The following CYB5B variants were observed in gnomAD, a reference collection of about 807,000 sequenced individuals.
CYB5B encodes the protein cytochrome b5 type B.
Under a neutral mutation model 21.3 loss-of-function variants are expected in CYB5B, and 14 were observed. That is an observed-to-expected ratio of 0.66 (90% CI 0.43 to 1.03). The LOEUF is 1.03. Among genes scored for constraint, CYB5B ranks in the 50% least tolerant of loss-of-function variants. CYB5B has a pLI of 0.00. For synonymous variants in CYB5B, 69 were observed against 68.4 expected, an observed-to-expected ratio of 1.01 and a Z score of -0.04; for missense variants, 166 against 185.1, an observed-to-expected ratio of 0.90 and a Z score of 0.60.
chr16:69,463,472 CCA>C lies in CYB5B; in HGVS notation c.*953_*954del, dbSNP rs2015056232. ...CCAAAGCTTTCACTTTGGTTTGGCA[CCA>C]GTTTCTAACCATCTGTTTTTTCTAC... On this transcript the variant is annotated 3_prime_UTR_variant, in exon 5 of 5. Transcript: ENST00000307892. 6.6e-6 allele frequency: 1 copy of C among 152,092 alleles called. No homozygotes were observed. Among genetic ancestry groups the C allele is most frequent in the South Asian group, 2.1e-4 (1 of 4,816 alleles). The allele number at this position is 152,092 out of a possible 1,614,324, so 9.4% of individuals were successfully genotyped here. A position where few individuals can be genotyped will look rare whatever the true frequency, so the allele number is the denominator to read the frequency against.
chr16:69,430,834 C>T (rs1043444629), intron 1 of CYB5B, among the ~76,000 whole-genome samples: 7 of 151,180 alleles, frequency 4.6e-5, no homozygotes, highest in African/African-American at 1.5e-4. Context: ...CCACCATGCC[C>T]GGCTAATTTT....
rs904094049 is a variant in CYB5B at position 69,465,550 on chromosome 16, C to G, written c.*3030C>G. 6.6e-6 allele frequency: 1 copy of G among 152,146 alleles called. No homozygotes were observed. The highest frequency in any genetic ancestry group is 2.4e-5 in the African/African-American group (1 of 41,438). 9.4% of individuals were successfully genotyped at this position (152,146 alleles called of 1,614,324 possible). ...GTTTGAGCCTGTAAAGTTGTTTTAG[C>G]AGTTGTCATAAATGCATATGTTGTG... is the stretch of plus-strand genomic sequence containing the variant. On this transcript the variant is annotated 3_prime_UTR_variant, in exon 5 of 5. Coordinates refer to ENST00000307892, the MANE Select transcript of CYB5B (RefSeq NM_030579.3).
chr16:69,462,467 G>C lies in CYB5B; in HGVS notation c.400G>C (p.Val134Leu), dbSNP rs372089003. 6.2e-7 allele frequency: 1 copy of C among 1,614,128 alleles called. No homozygotes were observed. The highest frequency in any genetic ancestry group is 8.5e-7 in the Non-Finnish European group (1 of 1,180,018). Reference sequence around the variant, plus strand: ...TTGGATTTTACCCATCATAGGCGCTGTTCTCTTAGGTTTCCTGTACCGCTA... The same window carrying C: ...TTGGATTTTACCCATCATAGGCGCTCTTCTCTTAGGTTTCCTGTACCGCTA... ...AYWILPIIGA[V>L]LLGFLYRYYT... The change falls in exon 5 of 5, where the codon GTT becomes CTT. Residue 134 changes from valine to leucine, a missense_variant. Physicochemically the swap from Val to Leu is conservative, Grantham distance 32. Coordinates refer to ENST00000307892, the MANE Select transcript of CYB5B (RefSeq NM_030579.3).
At chr16:69,432,587 A>G (rs2014717311) in intron 1 of CYB5B, among the ~76,000 whole-genome samples, 1 of 152,216 alleles carries the variant, frequency 6.6e-6, no homozygotes, top group South Asian at 2.1e-4. Context: ...ATAGAGTCAT[A>G]GTATTCTATT....
intron 3 of CYB5B, chr16:69,449,039 C>T (rs1420868092): frequency 6.6e-6 from 1 of 152,182 alleles, no homozygotes; most frequent in Non-Finnish European, 1.5e-5. Context: ...ATCTGTTGCC[C>T]TGCAATCCAG....
At chr16:69,457,133 A>C (rs2014990882) in intron 3 of CYB5B, among the ~76,000 whole-genome samples, 1 of 152,068 alleles carries the variant, frequency 6.6e-6, no homozygotes, top group Non-Finnish European at 1.5e-5. Flanking sequence ...GTTTTAAGTT[A>C]TTTATTGTTT....
At chr16:69,447,578 G>T (rs2014890118) in intron 2 of CYB5B, among the ~76,000 whole-genome samples, 1 of 150,478 alleles carries the variant, frequency 6.6e-6, no homozygotes. Context: ...GGGAGGCAGA[G>T]GTTGAAGTAT....
At chr16:69,458,467 A>G (rs2015002896) in intron 3 of CYB5B, among the ~76,000 whole-genome samples, 2 of 152,182 alleles carry the variant, frequency 1.3e-5, no homozygotes. Context: ...AGCATATATC[A>G]ATACTTCAGT....
At position 69,448,115 on chromosome 16, in the gene CYB5B, A is replaced by T; in HGVS notation, c.304A>T (p.Ser102Cys). Reference protein sequence around the residue: ...KQYYIGDIHPSDLKPESGSKD... With the variant: ...KQYYIGDIHPCDLKPESGSKD... The stretch of plus-strand genomic sequence containing the variant: ...TTATTTGTTTTCCTTTTTTTGACAG[A>T]GTGACCTTAAACCTGAAAGTGGTAG... Residue 102 changes from serine (S) to cysteine (C), a missense_variant and splice_region_variant, in exon 3 of 5, where the codon AGT becomes TGT. Transcript: ENST00000307892. 5 of 1,610,396 alleles carry T rather than the reference A, an allele frequency of 3.1e-6. No individual in the cohort carries two copies. Among genetic ancestry groups the T allele is most frequent in the Non-Finnish European group, 4.2e-6 (5 of 1,179,228 alleles).
intron 1 of CYB5B, among the ~76,000 whole-genome samples, chr16:69,428,829 C>T (rs1202867949): frequency 6.6e-6 from 1 of 152,082 alleles, no homozygotes; most frequent in African/African-American, 2.4e-5. Context: ...GTAGGAAGAG[C>T]ATAGAGCATT....
intron 1 of CYB5B, among the ~76,000 whole-genome samples, chr16:69,446,849 CATGACTGTG>C (rs1206696243): frequency 6.6e-6 from 1 of 152,180 alleles, no homozygotes; most frequent in Admixed American, 6.5e-5. Flanking sequence ...CTTTGACTTT[CATGACTGTG>C]GTATCTTTAG....
intron 1 of CYB5B, among the ~76,000 whole-genome samples, chr16:69,437,337 T>G (rs564676736): frequency 2.6e-5 from 4 of 152,284 alleles, no homozygotes; most frequent in Non-Finnish European, 5.9e-5. Context: ...AATGTTTTTT[T>G]GCAAATTCAC....
chr16:69,445,921 ACT>A (rs1459488480), intron 1 of CYB5B, among the ~76,000 whole-genome samples: 3 of 152,102 alleles, frequency 2.0e-5, no homozygotes, highest in Non-Finnish European at 2.9e-5. Context: ...GTGCCATTGC[ACT>A]TCAGCCTGGG....
At chr16:69,461,741 A>G (rs1567476707) in intron 4 of CYB5B, among the ~76,000 whole-genome samples, 3 of 152,176 alleles carry the variant, frequency 2.0e-5, no homozygotes, top group African/African-American at 7.2e-5. Flanking sequence ...AGAACTGTAT[A>G]TGCTTTGTGT....
At chr16:69,437,490 G>C (rs1212164754) in intron 1 of CYB5B, among the ~76,000 whole-genome samples, 1 of 152,098 alleles carries the variant, frequency 6.6e-6, no homozygotes, top group Non-Finnish European at 1.5e-5. Context: ...AGACTACTGA[G>C]CATAACCCCC....
At chr16:69,461,202 C>CAAA (rs548563223) in intron 4 of CYB5B, among the ~76,000 whole-genome samples, 3 of 123,798 alleles carry the variant, frequency 2.4e-5, no homozygotes, top group East Asian at 2.3e-4. Context: ...GACTCCGTCT[C>CAAA]AAAAAAAAAA....
At chr16:69,448,444 A>C in intron 3 of CYB5B, 1 of 348,416 alleles carries the variant, frequency 2.9e-6, no homozygotes, top group East Asian at 5.7e-5. Flanking sequence ...GTTGTGGAAA[A>C]ATATCTTACT....
chr16:69,459,770 A>G (rs1461237149), intron 4 of CYB5B, among the ~76,000 whole-genome samples: 1 of 152,188 alleles, frequency 6.6e-6, no homozygotes, highest in Non-Finnish European at 1.5e-5. Context: ...TATTTCAGAG[A>G]AAGAAAATAT....
intron 1 of CYB5B, among the ~76,000 whole-genome samples, chr16:69,425,412 CT>C (rs35047288): frequency 1.6e-4 from 24 of 151,062 alleles, no homozygotes; most frequent in South Asian, 6.3e-4. Flanking sequence ...TAAATCAACC[CT>C]TTTTTTTTGT....
Sources: allele counts gnomAD v4.1 joint callset (sites outside exome capture counted in the v4.1 genomes callset), GRCh38; gene constraint gnomAD v4.1.1; transcripts MANE v1.5; gene names NCBI Gene and HGNC (gene_info 2026-07-23, HGNC 2026-07-21).